Variants in ZNF181 observed in about 807,000 individuals in gnomAD.
ZNF181 encodes the protein zinc finger protein 181 (HHZ181).
Under a neutral mutation model 11.9 loss-of-function variants are expected in ZNF181, and 8 were observed. That is an observed-to-expected ratio of 0.67 (90% confidence interval 0.39 to 1.21). ZNF181 has a LOEUF of 1.21. ZNF181 is among the 50% of genes most tolerant of loss of function. The pLI, the probability that ZNF181 is intolerant of heterozygous loss-of-function variation, is 0.01. For synonymous variants in ZNF181, 202 were observed against 221.1 expected (o/e 0.91, Z 0.77); for missense variants, 542 against 670.9 (o/e 0.81, Z 2.12).
chr19:34,738,952 A>C (rs1254840671), intron 1 of ZNF181, among the ~76,000 whole-genome samples, 196 bp from the exon 2 acceptor site: 2 of 152,208 alleles, frequency 1.3e-5, no homozygotes, highest in Non-Finnish European at 2.9e-5. Flanking sequence ...CTAAGCACAT[A>C]ACTGTCCCCC....
rs556166309 is a variant in ZNF181, at chr19:34,742,310, A to G, written c.*213A>G. The G allele has an allele frequency of 7.6e-6, 3 of 394,096 alleles. No homozygotes were observed. Among genetic ancestry groups the G allele is most frequent in the African/African-American group, 4.0e-5 (2 of 49,756 alleles). 24.4% of individuals were successfully genotyped at this position (394,096 alleles called of 1,614,324 possible). ...TGTCAGTATTAATCCCTTAATTGACATAAGTATACTCACACTAGGATAAAA... is the reference window on the plus strand; with the variant it reads ...TGTCAGTATTAATCCCTTAATTGACGTAAGTATACTCACACTAGGATAAAA... On this transcript the variant is annotated 3_prime_UTR_variant, in exon 4 of 4. Coordinates refer to ENST00000492450, the MANE Select transcript of ZNF181 (RefSeq NM_001029997.4).
At position 34,742,272 on chromosome 19, in the gene ZNF181, G is replaced by A. The variant is rs376318618; in HGVS notation, c.*175G>A. The A allele has an allele frequency of 1.8e-6, 1 of 555,486 alleles. No homozygotes were observed. The highest frequency in any genetic ancestry group is 1.9e-5 in the African/African-American group (1 of 53,288). The allele number at this position is 555,486 out of a possible 1,614,324, so 34.4% of individuals were successfully genotyped here. A position where few individuals can be genotyped will look rare whatever the true frequency, so the allele number is the denominator to read the frequency against. On this transcript the variant is annotated 3_prime_UTR_variant, in exon 4 of 4. Transcript: ENST00000492450. Reference sequence around the variant, plus strand: ...GAGAAATCATATGAAGACCATAAATGTGGGAAAGCCTTTGTCAGTATTAAT... The same window carrying A: ...GAGAAATCATATGAAGACCATAAATATGGGAAAGCCTTTGTCAGTATTAAT...
chr19:34,739,126 C>T (rs1365812134), intron 1 of ZNF181, 22 bp from the exon 2 acceptor site: 1 of 1,613,154 alleles, frequency 6.2e-7, no homozygotes, highest in East Asian at 2.2e-5. Context: ...ATGGCTGAGC[C>T]TAAATATGTT....
rs746420692 is a variant in ZNF181, at chr19:34,740,701, T to C, written c.320T>C (p.Val107Ala). ...DSPQTVIIEKVVKQSYEFSNS... is the reference protein window; with the variant it reads ...DSPQTVIIEKAVKQSYEFSNS... ...CCCCAAACAGTAATAATAGAAAAAG[T>C]TGTAAAACAAAGTTATGAATTTTCA... The change falls in exon 4 of 4, where the codon GTT becomes GCT. Residue 107 changes from valine (V) to alanine (A), a missense_variant. Physicochemically the swap from Val to Ala is moderately conservative, Grantham distance 64. Coordinates refer to ENST00000492450, the MANE Select transcript of ZNF181 (RefSeq NM_001029997.4). 19 of 1,612,732 alleles carry C rather than the reference T, an allele frequency of 1.2e-5. No homozygotes were observed. The Admixed American group carries it at 1.5e-4, about 13-fold the overall frequency.
Position 34,734,698 on chromosome 19 carries a change from C to G in ZNF181, c.-340C>G. 3.0e-6 allele frequency: 1 copy of G among 329,554 alleles called. No individual in the cohort carries two copies. The highest frequency in any genetic ancestry group is 5.5e-6 in the Non-Finnish European group (1 of 180,800). 20.4% of individuals were successfully genotyped at this position (329,554 alleles called of 1,614,324 possible). ...AAATAGATCTGGAAAAATGTGAACGCACACCGTGCATAGTGGTGAAGACTG... is the reference window on the plus strand; with the variant it reads ...AAATAGATCTGGAAAAATGTGAACGGACACCGTGCATAGTGGTGAAGACTG... On this transcript the variant is annotated 5_prime_UTR_variant, in exon 1 of 4. Transcript: ENST00000492450.
At chr19:34,737,987 C>A (rs1204092728) in intron 1 of ZNF181, among the ~76,000 whole-genome samples, 1 of 152,144 alleles carries the variant, frequency 6.6e-6, no homozygotes, top group African/African-American at 2.4e-5. Flanking sequence ...TGGTTATGTA[C>A]CCCTAACCAT....
In ZNF181 at chr19:34,742,659, CATT is replaced by C. The variant is rs2068997749; in HGVS notation, c.*565_*567del. On this transcript the variant is annotated 3_prime_UTR_variant, in exon 4 of 4. Coordinates refer to ENST00000492450, the MANE Select transcript of ZNF181 (RefSeq NM_001029997.4). ...TGGATTCTACAGGAGAGCAAATAAACATTATAATAAAATATGCATTTCTTAGAG... is the reference window on the plus strand; with the variant it reads ...TGGATTCTACAGGAGAGCAAATAAACATAATAAAATATGCATTTCTTAGAG... The C allele has an allele frequency of 6.6e-6, 1 of 152,196 alleles. No individual in the cohort carries two copies. The highest frequency in any genetic ancestry group is 2.1e-4 in the South Asian group (1 of 4,834). The allele number at this position is 152,196 out of a possible 1,614,324, so 9.4% of individuals were successfully genotyped here. A position where few individuals can be genotyped will look rare whatever the true frequency, so the allele number is the denominator to read the frequency against.
In ZNF181 at chr19:34,739,557, G is replaced by A. The variant is rs140480908; in HGVS notation, c.165G>A (p.Thr55=). The change falls in exon 3 of 4, where the codon ACG becomes ACA. Residue 55 remains threonine (T), a synonymous_variant. Transcript: ENST00000492450. ...GLSVTKPYVI[T]LLEDGKEPWM... ...CTGTAACTAAGCCATATGTGATCAC[G>A]TTATTGGAGGATGGAAAAGAGCCCT... 2.9e-3 allele frequency: 4,753 copies of A among 1,614,022 alleles called. 10 individuals carry two copies. The highest frequency in any genetic ancestry group is 3.7e-3 in the Non-Finnish European group (4,374 of 1,179,946).
chr19:34,740,190 A>G (rs1229984560), intron 3 of ZNF181, among the ~76,000 whole-genome samples: 1 of 152,224 alleles, frequency 6.6e-6, no homozygotes, highest in Non-Finnish European at 1.5e-5. Flanking sequence ...AATAACATCA[A>G]TTCTGTATTT....
Position 34,743,663 on chromosome 19 carries a change from T to G in ZNF181, c.*1566T>G, listed in dbSNP as rs766644771. 6.6e-6 allele frequency: 1 copy of G among 152,238 alleles called. No homozygotes were observed. The highest frequency in any genetic ancestry group is 1.5e-5 in the Non-Finnish European group (1 of 68,050). The allele number at this position is 152,238 out of a possible 1,614,324, so 9.4% of individuals were successfully genotyped here. ...CTTTGAGGTAGTGCTGCTGGCAGCA[T>G]CATTGCAGCAACCGTCATTTCTCTA... On this transcript the variant is annotated 3_prime_UTR_variant, in exon 4 of 4. Transcript: ENST00000492450.
rs1568485814 is a variant in ZNF181 at position 34,741,572 on chromosome 19, A to T, written c.1191A>T (p.Arg397Ser). The T allele has an allele frequency of 1.2e-6, 2 of 1,614,032 alleles. No individual in the cohort carries two copies. The highest frequency in any genetic ancestry group is 8.5e-7 in the Non-Finnish European group (1 of 1,179,974). Reference sequence around the variant, plus strand: ...GCTCACACCTTACTCGACATCAAAGAATTCACACTATGGAGAAACAATATG... The same window carrying T: ...GCTCACACCTTACTCGACATCAAAGTATTCACACTATGGAGAAACAATATG... ...CCSSHLTRHQRIHTMEKQYEC... is the reference protein window; with the variant it reads ...CCSSHLTRHQSIHTMEKQYEC... The change falls in exon 4 of 4, where the codon AGA becomes AGT. Residue 397 changes from arginine to serine, a missense_variant. Physicochemically the swap from Arg to Ser is moderately radical, Grantham distance 110. Transcript: ENST00000492450.
At chr19:34,738,533 G>GTTT (rs371738709) in intron 1 of ZNF181, among the ~76,000 whole-genome samples, 1 of 146,964 alleles carries the variant, frequency 6.8e-6, no homozygotes, top group African/African-American at 2.5e-5. Context: ...TAATATAAAG[G>GTTT]TTTTTTTTTT....
Position 34,742,974 on chromosome 19 carries a change from T to C in ZNF181, c.*877T>C, listed in dbSNP as rs1338858824. The C allele has an allele frequency of 6.6e-6, 1 of 152,196 alleles. No homozygotes were observed. The highest frequency in any genetic ancestry group is 2.4e-5 in the African/African-American group (1 of 41,442). The allele number at this position is 152,196 out of a possible 1,614,324, so 9.4% of individuals were successfully genotyped here. ...GCAAACCTAGAGAAAAATGACCTGC[T>C]CTTTATACTAAGAATAGCAGTATTT... On this transcript the variant is annotated 3_prime_UTR_variant, in exon 4 of 4. Coordinates refer to ENST00000492450, the MANE Select transcript of ZNF181 (RefSeq NM_001029997.4).
intron 1 of ZNF181, 46 bp downstream of exon 1, chr19:34,735,092 CTG>C: frequency 3.2e-6 from 5 of 1,555,538 alleles, no homozygotes; most frequent in Non-Finnish European, 3.5e-6. Flanking sequence ...TTTATCAGGA[CTG>C]TGTGTTTGCT....
At chr19:34,736,147 A>G (rs752669078) in intron 1 of ZNF181, 5 of 703,034 alleles carry the variant, frequency 7.1e-6, no homozygotes, top group Non-Finnish European at 1.0e-5. Context: ...TAAGATGAGT[A>G]ATGACGAACT....
intron 3 of ZNF181, 35 bp from the exon 4 acceptor site, chr19:34,740,576 A>C: frequency 2.0e-6 from 3 of 1,518,864 alleles, no homozygotes; most frequent in South Asian, 2.7e-5. Flanking sequence ...TTAAAAAAAA[A>C]CAAAACAGTG....
At chr19:34,739,329 C>T (rs2068934194) in intron 2 of ZNF181, 61 bp downstream of exon 2, 1 of 1,604,314 alleles carries the variant, frequency 6.2e-7, no homozygotes, top group South Asian at 1.1e-5. Context: ...CCCTGAATTG[C>T]TGGAGACCCT....
intron 1 of ZNF181, among the ~76,000 whole-genome samples, chr19:34,737,028 G>A (rs1035954424): frequency 3.3e-5 from 5 of 152,230 alleles, no homozygotes; most frequent in African/African-American, 1.2e-4. Context: ...GATAAATTAT[G>A]TGTAGCAAAT....
intron 1 of ZNF181, among the ~76,000 whole-genome samples, chr19:34,735,423 C>G (rs919510852): frequency 6.6e-6 from 1 of 152,172 alleles, no homozygotes; most frequent in Non-Finnish European, 1.5e-5. Flanking sequence ...ATATTCAGAT[C>G]CTCTAGTTGG....
Sources: allele counts gnomAD v4.1 joint callset (sites outside exome capture counted in the v4.1 genomes callset), GRCh38; gene constraint gnomAD v4.1.1; transcripts MANE v1.5; gene names NCBI Gene and HGNC (gene_info 2026-07-23, HGNC 2026-07-21).